Variants in RBFOX1 observed in about 807,000 individuals in gnomAD.
RBFOX1 encodes the protein RNA binding protein fox-1 homolog 1.
In RBFOX1, 8 loss-of-function variants were observed where a neutral mutation model predicts 57.7. That is an observed-to-expected ratio of 0.14 (90% confidence interval 0.08 to 0.25). The LOEUF (loss-of-function observed/expected upper bound fraction) is 0.25. RBFOX1 is among the 10% of genes least tolerant of loss of function. RBFOX1 has a pLI of 1.00. For missense variants in RBFOX1, 611 were observed against 548.5 expected (o/e 1.11, Z -1.14); for synonymous variants, 326 against 222.4 (o/e 1.47, Z -4.15).
chr16:7,199,070 C>T (rs551123800), intron 4 of RBFOX1, among the ~76,000 whole-genome samples: 2 of 152,268 alleles, frequency 1.3e-5, no homozygotes, highest in South Asian at 2.1e-4. Flanking sequence ...ATATCATCAC[C>T]ACAGGTCCGT....
intron 1 of RBFOX1, among the ~76,000 whole-genome samples, chr16:6,143,606 A>T (rs1392710469): frequency 2.0e-5 from 3 of 152,108 alleles, no homozygotes; most frequent in Admixed American, 2.0e-4. Context: ...CTCTTGGAGG[A>T]TGATAATTGC....
rs115066180 is a variant in RBFOX1 at position 5,343,128 on chromosome 16, A to C, written c.219+103023A>C. 7.9e-3 allele frequency among the ~76,000 whole-genome samples: 1,205 copies of C among 152,284 alleles called. 18 individuals are homozygous for C. Among genetic ancestry groups the C allele is most frequent in the African/African-American group, 0.028 (1,146 of 41,542 alleles). On this transcript the variant is annotated intron_variant, in intron 1 of 2. Transcript: ENST00000585867. ...GTTCTTTGGCCAGTAGACATCAGTA[A>C]GGAAGCATGTGACCATTGTTGCTTT...
intron 4 of RBFOX1, among the ~76,000 whole-genome samples, chr16:5,955,351 TAAATA>T (rs754887265): frequency 0.6 from 47,404 of 78,870 alleles, 11,786 homozygotes; most frequent in Admixed American, 0.62. Flanking sequence ...TAAAATAAAA[TAAATA>T]AAAATAAAAT....
intron 3 of RBFOX1, among the ~76,000 whole-genome samples, chr16:6,876,897 C>T (rs368885203): frequency 6.6e-6 from 1 of 151,992 alleles, no homozygotes; most frequent in Non-Finnish European, 1.5e-5. Context: ...TGCTTTTAGC[C>T]CACCAAGTAC....
At chr16:6,476,814 A>G (rs2095280455) in intron 2 of RBFOX1, among the ~76,000 whole-genome samples, 1 of 152,206 alleles carries the variant, frequency 6.6e-6, no homozygotes, top group African/African-American at 2.4e-5. Flanking sequence ...CTAACGTAGA[A>G]CTTCTTTCAG....
chr16:7,402,980 A>T (rs1035286866), intron 4 of RBFOX1, among the ~76,000 whole-genome samples: 8 of 152,156 alleles, frequency 5.3e-5, no homozygotes, highest in Non-Finnish European at 8.8e-5. Flanking sequence ...CTCCAATCTG[A>T]TCTTGAAGGA....
chr16:5,954,537 T>G lies in RBFOX1; in HGVS notation c.351+87202T>G, dbSNP rs555831924. ...ATCTTGAGTCTTCCATTATTAAAAG[T>G]GTTCTTAATTAAAGTGGTTTATGAC... On this transcript the variant is annotated intron_variant, in intron 4 of 19. Transcript: ENST00000641259. Among the ~76,000 whole-genome samples the G allele has an allele frequency of 1.1e-4, 16 of 152,136 alleles. No homozygotes were observed. In the South Asian group the frequency reaches 3.3e-3, roughly 32 times the overall value.
chr16:7,062,054 A>G (rs1049007489), intron 4 of RBFOX1, among the ~76,000 whole-genome samples: 1 of 152,092 alleles, frequency 6.6e-6, no homozygotes, highest in Non-Finnish European at 1.5e-5. Flanking sequence ...GTGGTGGCTC[A>G]CACCTGTAAT....
chr16:6,392,427 G>C (rs1006522127), intron 2 of RBFOX1, among the ~76,000 whole-genome samples: 11 of 152,220 alleles, frequency 7.2e-5, no homozygotes, highest in Non-Finnish European at 1.2e-4. Context: ...AAGATATCTA[G>C]AGGTAACAAA....
At chr16:6,874,654 T>G (rs902848564) in intron 3 of RBFOX1, among the ~76,000 whole-genome samples, 4 of 152,102 alleles carry the variant, frequency 2.6e-5, no homozygotes, top group African/African-American at 9.7e-5. Flanking sequence ...ACAATGGTTT[T>G]CCATTCCCGA....
At chr16:7,452,065 A>G (rs1051932370) in intron 4 of RBFOX1, among the ~76,000 whole-genome samples, 4 of 152,232 alleles carry the variant, frequency 2.6e-5, no homozygotes, top group African/African-American at 4.8e-5. Context: ...CTACAAAGCA[A>G]TTGGATACTA....
intron 3 of RBFOX1, among the ~76,000 whole-genome samples, chr16:5,614,876 A>G (rs1396741502): frequency 6.6e-6 from 1 of 152,228 alleles, no homozygotes; most frequent in Non-Finnish European, 1.5e-5. Flanking sequence ...GTTGACTTAC[A>G]TGACATGACA....
At position 7,710,767 on chromosome 16, in the gene RBFOX1, T is replaced by G. The variant is rs748307646; in HGVS notation, c.*22T>G. On this transcript the variant is annotated 3_prime_UTR_variant, in exon 16 of 16. Coordinates refer to ENST00000550418, the MANE Select transcript of RBFOX1 (RefSeq NM_018723.4). The stretch of plus-strand genomic sequence containing the variant: ...CTAAATGACAAAACCATAAAAACCT[T>G]CCAATGTGGGGAGAAAGGAAGCTTT... 1.3e-6 allele frequency: 2 copies of G among 1,532,642 alleles called. No individual in the cohort carries two copies. 94.9% of individuals were successfully genotyped at this position (1,532,642 alleles called of 1,614,324 possible).
rs138797195 is a variant in RBFOX1 at position 6,097,384 on chromosome 16, C to T, written c.-127+77392C>T. On this transcript the variant is annotated intron_variant, in intron 1 of 15. Coordinates refer to ENST00000550418, the MANE Select transcript of RBFOX1 (RefSeq NM_018723.4). The surrounding 1 kb of genome is among the most constrained non-coding windows in gnomAD (Gnocchi z 5.0). ...GCAAGCCGCCACTCTAGAGAAGTACCACTCAAACCATGGTCTGCAGACTAC... is the reference window on the plus strand; with the variant it reads ...GCAAGCCGCCACTCTAGAGAAGTACTACTCAAACCATGGTCTGCAGACTAC... Among the ~76,000 whole-genome samples, 1 of 152,160 alleles carries T rather than the reference C, an allele frequency of 6.6e-6. No homozygotes were observed. The highest frequency in any genetic ancestry group is 1.9e-4 in the East Asian group (1 of 5,164).
chr16:5,918,303 A>G (rs565338572), intron 4 of RBFOX1, among the ~76,000 whole-genome samples: 1 of 152,228 alleles, frequency 6.6e-6, no homozygotes, highest in East Asian at 1.9e-4. Flanking sequence ...TATTTTTAGT[A>G]CAGACGGGGT....
At chr16:6,022,713 A>G (rs2095108050) in intron 1 of RBFOX1, among the ~76,000 whole-genome samples, 1 of 152,182 alleles carries the variant, frequency 6.6e-6, no homozygotes, top group Non-Finnish European at 1.5e-5. Flanking sequence ...CAAACAAACA[A>G]AAAACAATTT....
chr16:6,175,536 G>A (rs1567615947), intron 1 of RBFOX1, among the ~76,000 whole-genome samples: 1 of 152,134 alleles, frequency 6.6e-6, no homozygotes, highest in Non-Finnish European at 1.5e-5. Context: ...GGGCTTAGAG[G>A]TGGTTGTAAT....
chr16:7,479,013 G>A (rs2063320730), intron 4 of RBFOX1, among the ~76,000 whole-genome samples: 2 of 152,074 alleles, frequency 1.3e-5, no homozygotes, highest in African/African-American at 2.4e-5. Context: ...CAGCCACTGT[G>A]AGAGTGTAGA....
intron 7 of RBFOX1, among the ~76,000 whole-genome samples, chr16:7,591,952 T>C (rs1261127871): frequency 6.6e-6 from 1 of 152,086 alleles, no homozygotes; most frequent in Non-Finnish European, 1.5e-5. Context: ...GGTTCCCTGC[T>C]CATAGAGAGG....
Sources: gnomAD v4.1 joint callset for allele counts (sites outside exome capture counted in the v4.1 genomes callset) on GRCh38, gnomAD v4.1.1 for gene constraint, Gnocchi (gnomAD v3.1) non-coding constraint, MANE v1.5 for transcripts, NCBI Gene and HGNC (gene_info 2026-07-23, HGNC 2026-07-21) for gene names.